Variants in FBN2 observed in about 807,000 individuals in gnomAD.
The protein encoded by FBN2 is fibrillin 2.
In FBN2, 105 loss-of-function variants were observed where a neutral mutation model predicts 355.6. The ratio of observed to expected loss-of-function variants is 0.30; its 90% CI spans 0.25 to 0.35. The LOEUF (loss-of-function observed/expected upper bound fraction) is 0.35. FBN2 is among the 10% of genes least tolerant of loss of function. The pLI is 1.00. For missense variants in FBN2, 3,280 were observed against 3,758.7 expected, an observed-to-expected ratio of 0.87 and a Z score of 3.33; for synonymous variants, 1,350 against 1,301.2, an observed-to-expected ratio of 1.04 and a Z score of -0.81.
At chr5:128,524,515 CT>C (rs1485668481) in intron 4 of FBN2, among the ~76,000 whole-genome samples, 1 of 152,132 alleles carries the variant, frequency 6.6e-6, no homozygotes, top group East Asian at 1.9e-4. Context: ...TAGAAGAATG[CT>C]TTCTAAGAAG....
chr5:128,529,152 G>A (rs1756643527), intron 3 of FBN2, among the ~76,000 whole-genome samples: 1 of 152,164 alleles, frequency 6.6e-6, no homozygotes, highest in South Asian at 2.1e-4. Context: ...AAATGGGAAA[G>A]GGAATATATG....
chr5:128,409,236 A>G (rs1232647180), intron 7 of FBN2, among the ~76,000 whole-genome samples: 1 of 152,214 alleles, frequency 6.6e-6, no homozygotes, highest in African/African-American at 2.4e-5. Context: ...AGAGTGGCAA[A>G]TAACTTTTTT....
chr5:128,352,947 C>T lies in FBN2; in HGVS notation c.2675-1942G>A, dbSNP rs186508928. ...CAGCACTTTGGGAGGCTGAGGCAGTCGGATCGCTGGAGCCCAGGAGTTCAA... is the reference window on the plus strand; with the variant it reads ...CAGCACTTTGGGAGGCTGAGGCAGTTGGATCGCTGGAGCCCAGGAGTTCAA... On this transcript the variant is annotated intron_variant, in intron 20 of 64. Transcript: ENST00000262464. Among the ~76,000 whole-genome samples the T allele has an allele frequency of 5.0e-3, 763 of 152,144 alleles. 2 individuals carry two copies. Among genetic ancestry groups the T allele is most frequent in the Non-Finnish European group, 9.1e-3 (619 of 67,992 alleles).
Position 128,303,088 on chromosome 5 carries a change from A to T in FBN2, c.5802T>A (p.Asp1934Glu). ...ATGGATGCCGCTCGCACTCATCAAC[A>T]TCTATAAAGAAATATAGGCTCAAAA... ...KASQDQTMCM[D>E]VDECERHPCG... is the part of the protein sequence containing the mutation. The change falls in exon 46 of 65, where the codon GAT becomes GAA. Residue 1934 changes from aspartate (D) to glutamate (E), a missense_variant and splice_region_variant. This residue lies in a region of FBN2 where 2,284 missense variants were observed against 2,749.5 expected (regional missense o/e 0.83). Transcript: ENST00000262464. 1 of 1,584,280 alleles carries T rather than the reference A, an allele frequency of 6.3e-7. No homozygotes were observed. The highest frequency in any genetic ancestry group is 8.7e-7 in the Non-Finnish European group (1 of 1,152,880).
At chr5:128,488,312 A>T (rs574837089) in intron 5 of FBN2, among the ~76,000 whole-genome samples, 141 of 152,160 alleles carry the variant, frequency 9.3e-4, no homozygotes, top group African/African-American at 3.3e-3. Flanking sequence ...GTCAGCTGCC[A>T]CCCTTTTGCC....
At chr5:128,519,438 G>T in intron 4 of FBN2, 70 bp from the exon 5 acceptor site, 2 of 1,105,596 alleles carry the variant, frequency 1.8e-6, no homozygotes, top group Non-Finnish European at 2.8e-6. Context: ...GTGCAGTGAT[G>T]CTGCCAATAA....
chr5:128,506,409 T>C (rs1164761488), intron 5 of FBN2, among the ~76,000 whole-genome samples: 1 of 152,166 alleles, frequency 6.6e-6, no homozygotes, highest in East Asian at 1.9e-4. Context: ...TCCATGAGTA[T>C]TACATAATAA....
chr5:128,466,139 C>T (rs544645193), intron 5 of FBN2, among the ~76,000 whole-genome samples: 3 of 152,244 alleles, frequency 2.0e-5, no homozygotes, highest in South Asian at 2.1e-4. Flanking sequence ...TTGAGAGATA[C>T]AAGAAATCAG....
At chr5:128,269,630 A>G (rs1765214410) in intron 62 of FBN2, among the ~76,000 whole-genome samples, 1 of 152,178 alleles carries the variant, frequency 6.6e-6, no homozygotes, top group African/African-American at 2.4e-5. Flanking sequence ...CTCATTCACA[A>G]TTGCTACAAA....
At chr5:128,334,587 A>G in intron 31 of FBN2, 132 bp downstream of exon 31, 1 of 974,316 alleles carries the variant, frequency 1.0e-6, no homozygotes, top group Non-Finnish European at 1.6e-6. Context: ...TAGGTCACAC[A>G]CTCATCACAC....
At chr5:128,394,439 G>A (rs973363196) in intron 9 of FBN2, among the ~76,000 whole-genome samples, 7 of 152,174 alleles carry the variant, frequency 4.6e-5, no homozygotes, top group African/African-American at 1.7e-4. Flanking sequence ...CATGAGAAGA[G>A]AGGAAATATC....
intron 3 of FBN2, among the ~76,000 whole-genome samples, chr5:128,530,301 C>T (rs566633727): frequency 1.3e-5 from 2 of 152,202 alleles, no homozygotes; most frequent in South Asian, 4.1e-4. Context: ...CTTAGATAAC[C>T]CACAAAACAC....
chr5:128,527,704 AT>A (rs1756598547), intron 4 of FBN2, among the ~76,000 whole-genome samples, 167 bp downstream of exon 4: 1 of 152,198 alleles, frequency 6.6e-6, no homozygotes, highest in South Asian at 2.1e-4. Flanking sequence ...TTCTAAAAGA[AT>A]TAGAAAAATT....
At chr5:128,449,037 A>T (rs968087106) in intron 6 of FBN2, among the ~76,000 whole-genome samples, 2 of 151,990 alleles carry the variant, frequency 1.3e-5, no homozygotes, top group African/African-American at 4.8e-5. Flanking sequence ...AAGTGAGATT[A>T]AAATTCTAAC....
intron 16 of FBN2, 99 bp downstream of exon 16, chr5:128,369,083 A>T: frequency 8.3e-7 from 1 of 1,199,930 alleles, no homozygotes; most frequent in Non-Finnish European, 1.2e-6. Context: ...AGTTAAAATT[A>T]ATGATGAAAC....
At chr5:128,305,767 T>C in intron 43 of FBN2, 56 bp downstream of exon 43, 1 of 1,605,376 alleles carries the variant, frequency 6.2e-7, no homozygotes, top group Non-Finnish European at 8.5e-7. Flanking sequence ...ACCATCTAAA[T>C]GCTATATATG....
At chr5:128,532,711 T>C (rs1439932095) in intron 2 of FBN2, among the ~76,000 whole-genome samples, 1 of 152,242 alleles carries the variant, frequency 6.6e-6, no homozygotes, top group Non-Finnish European at 1.5e-5. Flanking sequence ...AGATGCCTTC[T>C]GATATCCATA....
intron 5 of FBN2, among the ~76,000 whole-genome samples, chr5:128,492,795 C>T (rs1278378059): frequency 2.3e-5 from 2 of 87,664 alleles, no homozygotes; most frequent in East Asian, 3.2e-4. Flanking sequence ...AAGAGCGAAA[C>T]TCCATCTCAA....
chr5:128,319,186 T>A (rs1750297837), intron 34 of FBN2, among the ~76,000 whole-genome samples, 185 bp from the exon 35 acceptor site: 1 of 152,120 alleles, frequency 6.6e-6, no homozygotes, highest in South Asian at 2.1e-4. Context: ...CCTATGGAAC[T>A]AAGATATACA....
Sources: gnomAD v4.1 joint callset for allele counts (sites outside exome capture counted in the v4.1 genomes callset) on GRCh38, gnomAD v4.1.1 for gene constraint, gnomAD v4.1.1 regional missense constraint, MANE v1.5 for transcripts, NCBI Gene and HGNC (gene_info 2026-07-23, HGNC 2026-07-21) for gene names.